LRRN1: variants seen among roughly 807,000 people sequenced by gnomAD.
LRRN1 encodes the protein leucine-rich repeat neuronal protein 1.
LRRN1 carries 14 observed loss-of-function variants against 45.8 expected under a neutral mutation model. The observed-to-expected ratio is 0.31, with a 90% CI of 0.20 to 0.48. LRRN1 has a LOEUF of 0.48. Ranked by LOEUF, LRRN1 falls within the 20% of genes least tolerant of loss-of-function variation. The pLI, the probability that LRRN1 is intolerant of heterozygous loss-of-function variation, is 0.99. For missense variants in LRRN1, 789 were observed against 874.2 expected, an observed-to-expected ratio of 0.90 and a Z score of 1.23; for synonymous variants, 359 against 330.1, an observed-to-expected ratio of 1.09 and a Z score of -0.95.
chr3:3,835,654 T>C (rs1052103398), intron 1 of LRRN1, among the ~76,000 whole-genome samples: 1 of 151,812 alleles, frequency 6.6e-6, no homozygotes, highest in African/African-American at 2.4e-5. Context: ...TATATATTTC[T>C]TTTTGCCCAA....
Position 3,845,649 on chromosome 3 carries a change from C to T in LRRN1, c.1008C>T (p.Val336=), listed in dbSNP as rs1246477817. ...SYIHRLAFRS[V]PALESLMLNN... ...TCCACCGCTTGGCTTTCCGAAGTGT[C>T]CCTGCTCTGGAAAGCTTGATGCTGA... The change falls in exon 2 of 2, where the codon GTC becomes GTT. Residue 336 remains valine, a synonymous_variant. Coordinates refer to ENST00000319331, the MANE Select transcript of LRRN1 (RefSeq NM_020873.7). This position sits in a 1 kb window ranked among gnomAD's most constrained non-coding sequence, Gnocchi z 6.5. The T allele has an allele frequency of 5.0e-6, 8 of 1,613,940 alleles. No individual in the cohort carries two copies. In the Admixed American group the frequency reaches 1.2e-4, roughly 24 times the overall value.
chr3:3,816,554 A>G lies in LRRN1; in HGVS notation c.-279+16635A>G, dbSNP rs1396868920. 6.6e-6 allele frequency among the ~76,000 whole-genome samples: 1 copy of G among 152,216 alleles called. No individual in the cohort carries two copies. The highest frequency in any genetic ancestry group is 1.5e-5 in the Non-Finnish European group (1 of 68,040). On this transcript the variant is annotated intron_variant, in intron 1 of 1. Coordinates refer to ENST00000319331, the MANE Select transcript of LRRN1 (RefSeq NM_020873.7). The surrounding 1 kb of genome is among the most constrained non-coding windows in gnomAD (Gnocchi z 4.0). Reference sequence around the variant, plus strand: ...TCAATTAAGAAAAAAAAATATTCCAATATGAGTTCATTATTAGGGCCTTGA... The same window carrying G: ...TCAATTAAGAAAAAAAAATATTCCAGTATGAGTTCATTATTAGGGCCTTGA...
chr3:3,821,113 A>C (rs936900812), intron 1 of LRRN1, among the ~76,000 whole-genome samples: 3 of 152,236 alleles, frequency 2.0e-5, no homozygotes, highest in African/African-American at 7.2e-5. Flanking sequence ...TCCATGAGGC[A>C]TGAGAATGTG....
At chr3:3,819,450 C>G (rs1369613420) in intron 1 of LRRN1, among the ~76,000 whole-genome samples, 2 of 152,160 alleles carry the variant, frequency 1.3e-5, no homozygotes, top group African/African-American at 4.8e-5. Context: ...GGGCCATGCT[C>G]CCTCTGAAAC....
chr3:3,809,833 T>G (rs979627019), intron 1 of LRRN1, among the ~76,000 whole-genome samples: 3 of 152,206 alleles, frequency 2.0e-5, no homozygotes, highest in African/African-American at 7.2e-5. Context: ...TCTTCCAAGG[T>G]ACATACTTAG....
At chr3:3,828,304 T>C (rs546744591) in intron 1 of LRRN1, among the ~76,000 whole-genome samples, 6 of 152,122 alleles carry the variant, frequency 3.9e-5, no homozygotes, top group Non-Finnish European at 8.8e-5. Flanking sequence ...TGGGGTCTGA[T>C]GTTCCAGGGC....
intron 1 of LRRN1, chr3:3,827,141 A>G (rs1450525009): frequency 5.4e-6 from 1 of 184,304 alleles, no homozygotes; most frequent in African/African-American, 2.3e-5. Context: ...CTTTACATTT[A>G]ACAGTTCATT....
Position 3,846,915 on chromosome 3 carries a change from G to A in LRRN1, c.*123G>A. The A allele has an allele frequency of 5.0e-6, 4 of 799,432 alleles. No individual in the cohort carries two copies. Among genetic ancestry groups the A allele is most frequent in the Non-Finnish European group, 7.8e-6 (4 of 514,014 alleles). The allele number at this position is 799,432 out of a possible 1,614,324, so 49.5% of individuals were successfully genotyped here. A position where few individuals can be genotyped will look rare whatever the true frequency, so the allele number is the denominator to read the frequency against. ...TTGCTAGTTTGTGGCAGAGTGGAGA[G>A]GACGGGTGGATATTTCAAATTTTTT... On this transcript the variant is annotated 3_prime_UTR_variant, in exon 2 of 2. Coordinates refer to ENST00000319331, the MANE Select transcript of LRRN1 (RefSeq NM_020873.7). The surrounding 1 kb of genome is among the most constrained non-coding windows in gnomAD (Gnocchi z 5.7).
At chr3:3,807,217 G>A (rs78159322) in intron 1 of LRRN1, among the ~76,000 whole-genome samples, 4,173 of 152,260 alleles carry the variant, frequency 0.027, 160 homozygotes, top group East Asian at 0.15. Context: ...CTTAAAAAAA[G>A]ACTTGTGACA....
chr3:3,838,174 G>C (rs1693567096), intron 1 of LRRN1, among the ~76,000 whole-genome samples: 1 of 152,100 alleles, frequency 6.6e-6, no homozygotes, highest in Non-Finnish European at 1.5e-5. Flanking sequence ...TTAATAAATG[G>C]TCCTGGGAGA....
intron 1 of LRRN1, among the ~76,000 whole-genome samples, chr3:3,838,529 C>A (rs924485196): frequency 6.6e-6 from 1 of 152,128 alleles, no homozygotes; most frequent in African/African-American, 2.4e-5. Flanking sequence ...CGCTTTAATT[C>A]TTTTGGATAT....
chr3:3,844,061 G>T (rs557166979), intron 1 of LRRN1, among the ~76,000 whole-genome samples: 1 of 152,176 alleles, frequency 6.6e-6, no homozygotes, highest in South Asian at 2.1e-4. Context: ...GTGTGTGTGT[G>T]CATGTTTAGT....
At chr3:3,813,900 C>A (rs1692933141) in intron 1 of LRRN1, among the ~76,000 whole-genome samples, 1 of 152,008 alleles carries the variant, frequency 6.6e-6, no homozygotes, top group Non-Finnish European at 1.5e-5. Flanking sequence ...TGGAAACTCA[C>A]CCCACTCCCA....
intron 1 of LRRN1, among the ~76,000 whole-genome samples, chr3:3,809,970 C>G (rs1024351114): frequency 1.6e-4 from 25 of 152,160 alleles, no homozygotes; most frequent in Non-Finnish European, 2.5e-4. Flanking sequence ...CAAGAAGACT[C>G]AGACTAGATA....
intron 1 of LRRN1, among the ~76,000 whole-genome samples, chr3:3,828,875 T>A (rs888419275): frequency 6.6e-6 from 1 of 152,196 alleles, no homozygotes; most frequent in Non-Finnish European, 1.5e-5. Flanking sequence ...CTGCACTTGT[T>A]TCTGCAGCTG....
At chr3:3,801,008 A>G (rs1217822501) in intron 1 of LRRN1, 4 of 152,332 alleles carry the variant, frequency 2.6e-5, no homozygotes, top group African/African-American at 7.2e-5. Flanking sequence ...AAAGTCCAGC[A>G]GCGAGAGGGC....
intron 1 of LRRN1, among the ~76,000 whole-genome samples, chr3:3,834,531 T>TATATATATATATATC (rs1693451668): frequency 2.0e-5 from 2 of 102,522 alleles, no homozygotes; most frequent in Admixed American, 9.9e-5. Flanking sequence ...ACAGGATATA[T>TATATATATATATATC]ATATATATAT....
chr3:3,809,819 T>C (rs1446307452), intron 1 of LRRN1, among the ~76,000 whole-genome samples: 3 of 152,204 alleles, frequency 2.0e-5, no homozygotes, highest in Non-Finnish European at 4.4e-5. Context: ...CTTAGCACAG[T>C]TCCTCTTCCA....
intron 1 of LRRN1, among the ~76,000 whole-genome samples, chr3:3,806,040 G>T (rs1219879483): frequency 1.4e-5 from 2 of 146,220 alleles, no homozygotes; most frequent in Non-Finnish European, 3.0e-5. Flanking sequence ...TGCCTCTGAG[G>T]GGACATTAGG....
Sources: gnomAD v4.1 joint callset for allele counts (sites outside exome capture counted in the v4.1 genomes callset) on GRCh38, gnomAD v4.1.1 for gene constraint, Gnocchi (gnomAD v3.1) non-coding constraint, MANE v1.5 for transcripts, NCBI Gene and HGNC (gene_info 2026-07-23, HGNC 2026-07-21) for gene names.